The following TNFSF4 variants were observed in gnomAD, a reference collection of about 807,000 sequenced individuals.
TNFSF4 encodes the protein tumor necrosis factor ligand superfamily member 4.
A neutral mutation model predicts 7.3 loss-of-function variants in TNFSF4; 4 were observed. The ratio of observed to expected loss-of-function variants is 0.55; its 90% confidence interval spans 0.27 to 1.25. The LOEUF (loss-of-function observed/expected upper bound fraction) is 1.25, where lower values mean the gene tolerates loss of function less well. Ranked by LOEUF, TNFSF4 falls within the 50% of genes most tolerant of loss-of-function variation. The pLI is 0.12. For missense variants in TNFSF4, 181 were observed against 208.8 expected, an observed-to-expected ratio of 0.87 and a Z score of 0.82; for synonymous variants, 76 against 83.7, an observed-to-expected ratio of 0.91 and a Z score of 0.50.
At chr1:173,443,526 G>A in the TNFSF4 span, among the ~76,000 whole-genome samples, 1 of 152,094 alleles carries the variant, frequency 6.6e-6, no homozygotes, top group Non-Finnish European at 1.5e-5. Context: ...TACAATAGTA[G>A]ATGTAAAAAT....
chr1:173,265,258 G>A, the TNFSF4 span, among the ~76,000 whole-genome samples: 3 of 152,132 alleles, frequency 2.0e-5, no homozygotes, highest in Non-Finnish European at 4.4e-5. Flanking sequence ...TCCTATAGCC[G>A]GGCAGTGGAA....
chr1:173,307,314 G>C, the TNFSF4 span, among the ~76,000 whole-genome samples: 1 of 151,784 alleles, frequency 6.6e-6, no homozygotes, highest in Non-Finnish European at 1.5e-5. Context: ...AGCCAAGAAT[G>C]CAAAATCTAA....
chr1:173,209,471 G>T (rs980295202), upstream of TNFSF4, among the ~76,000 whole-genome samples: 4 of 152,054 alleles, frequency 2.6e-5, no homozygotes, highest in Non-Finnish European at 5.9e-5. Flanking sequence ...GGTCAAATAC[G>T]TTACTAAATC....
chr1:173,206,544 C>T (rs1161921618), intron 1 of TNFSF4, among the ~76,000 whole-genome samples: 2 of 152,124 alleles, frequency 1.3e-5, no homozygotes, highest in Non-Finnish European at 2.9e-5. Context: ...CACATTGCTC[C>T]GCTATTAATA....
At chr1:173,450,203 C>G in the TNFSF4 span, among the ~76,000 whole-genome samples, 1 of 151,758 alleles carries the variant, frequency 6.6e-6, no homozygotes, top group Non-Finnish European at 1.5e-5. Flanking sequence ...AAAAAATTAC[C>G]AAATTCATTC....
At chr1:173,431,986 T>C in the TNFSF4 span, among the ~76,000 whole-genome samples, 1 of 152,194 alleles carries the variant, frequency 6.6e-6, no homozygotes, top group Non-Finnish European at 1.5e-5. Flanking sequence ...AGTGTAGCAA[T>C]GCCCTGAGAG....
At chr1:173,227,617 G>A in the TNFSF4 span, among the ~76,000 whole-genome samples, 252 of 152,296 alleles carry the variant, frequency 1.7e-3, no homozygotes, top group Middle Eastern at 0.01. Flanking sequence ...CCCAGCAAAC[G>A]TGAGCCAAAG....
chr1:173,389,156 C>A, the TNFSF4 span, among the ~76,000 whole-genome samples: 1 of 152,190 alleles, frequency 6.6e-6, no homozygotes, highest in African/African-American at 2.4e-5. Context: ...CTTTCCAACT[C>A]TTCCTTTTGC....
At chr1:173,335,678 A>C in the TNFSF4 span, among the ~76,000 whole-genome samples, 1 of 152,220 alleles carries the variant, frequency 6.6e-6, no homozygotes, top group African/African-American at 2.4e-5. Flanking sequence ...TGAATGAGAA[A>C]AACACAGGGT....
chr1:173,319,006 C>T, the TNFSF4 span, among the ~76,000 whole-genome samples: 2 of 152,170 alleles, frequency 1.3e-5, no homozygotes, highest in Non-Finnish European at 2.9e-5. Context: ...CATTCACTGA[C>T]CTGGAAAGGC....
the TNFSF4 span, among the ~76,000 whole-genome samples, chr1:173,258,197 T>C: frequency 5.3e-5 from 8 of 152,118 alleles, no homozygotes; most frequent in Non-Finnish European, 7.4e-5. Flanking sequence ...GGGGCTAAGA[T>C]AGCTGATTAG....
chr1:173,328,923 G>A, the TNFSF4 span, among the ~76,000 whole-genome samples: 1 of 152,050 alleles, frequency 6.6e-6, no homozygotes, highest in African/African-American at 2.4e-5. Flanking sequence ...TCCACCACAC[G>A]TGGAAAGCCA....
the TNFSF4 span, among the ~76,000 whole-genome samples, chr1:173,432,685 A>G: frequency 6.6e-6 from 1 of 152,128 alleles, no homozygotes; most frequent in East Asian, 1.9e-4. Flanking sequence ...GGCAACACTG[A>G]CAAAATTCTT....
chr1:173,319,595 C>T, the TNFSF4 span, among the ~76,000 whole-genome samples: 1 of 152,202 alleles, frequency 6.6e-6, no homozygotes, highest in Non-Finnish European at 1.5e-5. Context: ...ACAGACACCT[C>T]ATACAGGAGA....
chr1:173,424,318 C>T, the TNFSF4 span, among the ~76,000 whole-genome samples: 1 of 152,238 alleles, frequency 6.6e-6, no homozygotes, highest in Non-Finnish European at 1.5e-5. Context: ...ATGAATCAAA[C>T]ACAGCTCTTC....
chr1:173,201,320 G>T (rs1224549278), intron 1 of TNFSF4, among the ~76,000 whole-genome samples: 2 of 151,976 alleles, frequency 1.3e-5, no homozygotes, highest in African/African-American at 4.8e-5. Flanking sequence ...CTCTTCCAAG[G>T]TGGATTTTTT....
the TNFSF4 span, among the ~76,000 whole-genome samples, chr1:173,325,678 G>C: frequency 2.6e-5 from 4 of 152,112 alleles, no homozygotes; most frequent in African/African-American, 2.4e-5. Context: ...AAATGACAAA[G>C]GGGATATCAC....
the TNFSF4 span, among the ~76,000 whole-genome samples, chr1:173,177,917 T>C: frequency 6.6e-6 from 1 of 152,224 alleles, no homozygotes; most frequent in African/African-American, 2.4e-5. Context: ...TGGAGGAGCA[T>C]GTTTGAGCTG....
At chr1:173,376,346 A>G in the TNFSF4 span, among the ~76,000 whole-genome samples, 1 of 152,186 alleles carries the variant, frequency 6.6e-6, no homozygotes, top group Non-Finnish European at 1.5e-5. Context: ...GGAACAGAAA[A>G]CCAAACACCA....
Sources: gnomAD v4.1 joint callset for allele counts (sites outside exome capture counted in the v4.1 genomes callset) on GRCh38, gnomAD v4.1.1 for gene constraint, MANE v1.5 for transcripts, NCBI Gene and HGNC (gene_info 2026-07-23, HGNC 2026-07-21) for gene names.